Variants in L3MBTL4 observed in about 807,000 individuals in gnomAD.
L3MBTL4 encodes the protein lethal(3)malignant brain tumor-like protein 4.
Under a neutral mutation model 84.5 loss-of-function variants are expected in L3MBTL4, and 70 were observed. The observed-to-expected ratio is 0.83, with a 90% CI of 0.68 to 1.01. The LOEUF (loss-of-function observed/expected upper bound fraction) is 1.01, where lower values mean the gene tolerates loss of function less well. Among genes scored for constraint, L3MBTL4 ranks in the 50% least tolerant of loss-of-function variants. L3MBTL4 has a pLI of 0.00. For missense variants in L3MBTL4, 715 were observed against 754.8 expected, an observed-to-expected ratio of 0.95 and a Z score of 0.62; for synonymous variants, 274 against 259.8, an observed-to-expected ratio of 1.05 and a Z score of -0.52.
chr18:6,159,763 T>C (rs1346349086), intron 13 of L3MBTL4, among the ~76,000 whole-genome samples: 1 of 152,170 alleles, frequency 6.6e-6, no homozygotes, highest in Non-Finnish European at 1.5e-5. Context: ...ACACTTTATA[T>C]ATACCCTGGT....
At chr18:6,152,827 C>G (rs2042953043) in intron 13 of L3MBTL4, among the ~76,000 whole-genome samples, 1 of 152,090 alleles carries the variant, frequency 6.6e-6, no homozygotes, top group Non-Finnish European at 1.5e-5. Flanking sequence ...CTTGATAAAG[C>G]TTTTCCTTAT....
intron 16 of L3MBTL4, among the ~76,000 whole-genome samples, chr18:6,042,204 C>A (rs992642469): frequency 1.3e-5 from 2 of 152,146 alleles, no homozygotes; most frequent in Admixed American, 1.3e-4. Context: ...TCCTCCCACC[C>A]AAGGTTAATC....
At chr18:6,023,877 C>T (rs1031055733) in intron 16 of L3MBTL4, among the ~76,000 whole-genome samples, 2 of 152,152 alleles carry the variant, frequency 1.3e-5, no homozygotes, top group African/African-American at 4.8e-5. Context: ...ATTATTTGAA[C>T]CCAATGCAGT....
intron 1 of L3MBTL4, among the ~76,000 whole-genome samples, chr18:6,381,508 C>T (rs1166529051): frequency 2.0e-5 from 3 of 152,220 alleles, no homozygotes; most frequent in Non-Finnish European, 4.4e-5. Flanking sequence ...CCTTCAGGAG[C>T]TCTTGCCAGG....
At chr18:6,359,316 A>G (rs2053577647) in intron 1 of L3MBTL4, among the ~76,000 whole-genome samples, 1 of 152,052 alleles carries the variant, frequency 6.6e-6, no homozygotes, top group South Asian at 2.1e-4. Context: ...ATGGTGGCAC[A>G]TGCCTGTAAT....
intron 14 of L3MBTL4, among the ~76,000 whole-genome samples, chr18:6,114,743 G>C (rs2059305242): frequency 6.6e-6 from 1 of 152,154 alleles, no homozygotes; most frequent in Non-Finnish European, 1.5e-5. Flanking sequence ...TTTCAAAAAA[G>C]CTTACAAAAG....
chr18:6,045,190 G>A (rs1721112022), intron 16 of L3MBTL4, among the ~76,000 whole-genome samples: 1 of 152,208 alleles, frequency 6.6e-6, no homozygotes, highest in African/African-American at 2.4e-5. Flanking sequence ...AGACCGTTCA[G>A]CAGAAACCTT....
intron 1 of L3MBTL4, among the ~76,000 whole-genome samples, chr18:6,375,573 CT>C (rs1230561213): frequency 2.6e-5 from 4 of 152,152 alleles, no homozygotes; most frequent in Non-Finnish European, 5.9e-5. Context: ...ACACTCAGCA[CT>C]TTTCATCCTA....
intron 16 of L3MBTL4, among the ~76,000 whole-genome samples, chr18:6,034,050 C>G (rs536556486): frequency 1.2e-3 from 179 of 152,136 alleles, no homozygotes; most frequent in Middle Eastern, 3.4e-3. Flanking sequence ...TTTCAATGTG[C>G]AGGACTTCTT....
intron 16 of L3MBTL4, among the ~76,000 whole-genome samples, chr18:5,996,474 T>C (rs1171773877): frequency 6.6e-6 from 1 of 151,988 alleles, no homozygotes; most frequent in Admixed American, 6.6e-5. Context: ...TAAAAGGGGG[T>C]CTGGGCTAAG....
chr18:6,182,145 A>G (rs139020525), intron 12 of L3MBTL4, among the ~76,000 whole-genome samples: 53 of 152,306 alleles, frequency 3.5e-4, no homozygotes, highest in African/African-American at 1.3e-3. Context: ...TTTTCTCCAC[A>G]ATCTTGCCAG....
Position 6,301,906 on chromosome 18 carries a change from G to C in L3MBTL4, c.124C>G (p.His42Asp), listed in dbSNP as rs751176440. The change falls in exon 4 of 19, where the codon CAC becomes GAC. Residue 42 changes from histidine (H) to aspartate (D), a missense_variant. Coordinates refer to ENST00000317931, the MANE Select transcript of L3MBTL4 (RefSeq NM_001330559.2). ...TGTAAATATTGGTGATAATTACCGT[G>C]ACTCAAAGGGGTTGTGCTATCCTTG... is the stretch of plus-strand genomic sequence containing the variant. ...KPKDSTTPLS[H>D]VPSAAAQGAW... 6.2e-7 allele frequency: 1 copy of C among 1,611,222 alleles called. No homozygotes were observed. Among genetic ancestry groups the C allele is most frequent in the Admixed American group, 1.7e-5 (1 of 60,008 alleles).
rs116855316 is a variant in L3MBTL4 at position 6,038,671 on chromosome 18, C to T, written c.1444+42210G>A. ...ATAGTGCAGCAATGTGAGGAGGCATCTAAGAGAAATAAAAAACAACAACAA... is the reference window on the plus strand; with the variant it reads ...ATAGTGCAGCAATGTGAGGAGGCATTTAAGAGAAATAAAAAACAACAACAA... On this transcript the variant is annotated intron_variant, in intron 16 of 18. Coordinates refer to ENST00000317931, the MANE Select transcript of L3MBTL4 (RefSeq NM_001330559.2). 5.9e-5 allele frequency among the ~76,000 whole-genome samples: 9 copies of T among 152,196 alleles called. No individual in the cohort carries two copies. In the East Asian group the frequency reaches 1.7e-3, roughly 29 times the overall value.
At chr18:6,401,632 A>C (rs1011134880) in intron 1 of L3MBTL4, among the ~76,000 whole-genome samples, 1 of 152,240 alleles carries the variant, frequency 6.6e-6, no homozygotes, top group Non-Finnish European at 1.5e-5. Context: ...CTCACAGCAC[A>C]ACTAATTTTC....
At position 6,241,353 on chromosome 18, in the gene L3MBTL4, C is replaced by T; in HGVS notation, c.552+5G>A. 1.3e-6 allele frequency: 2 copies of T among 1,521,424 alleles called. No individual in the cohort carries two copies. Among genetic ancestry groups the T allele is most frequent in the South Asian group, 1.2e-5 (1 of 85,544 alleles). The allele number at this position is 1,521,424 out of a possible 1,614,324, so 94.2% of individuals were successfully genotyped here. On this transcript the variant is annotated splice_donor_5th_base_variant and intron_variant, in intron 8 of 18. Coordinates refer to ENST00000317931, the MANE Select transcript of L3MBTL4 (RefSeq NM_001330559.2). ...TTGATTTATGCTGGGAAAGAAAATA[C>T]TTACAGGACTTCTGTTTCTGAATAA...
At chr18:6,142,105 T>C (rs2060215194) in intron 13 of L3MBTL4, among the ~76,000 whole-genome samples, 1 of 152,242 alleles carries the variant, frequency 6.6e-6, no homozygotes, top group Non-Finnish European at 1.5e-5. Context: ...TGCTAACTTC[T>C]GAGAGGAGGT....
chr18:5,980,791 C>T (rs917417957), intron 16 of L3MBTL4, among the ~76,000 whole-genome samples: 1 of 152,128 alleles, frequency 6.6e-6, no homozygotes, highest in Non-Finnish European at 1.5e-5. Flanking sequence ...AGCTCATGGG[C>T]TATTTTCTTC....
rs770085745 is a variant in L3MBTL4, at chr18:6,237,964, C to T, written c.784G>A (p.Gly262Ser). Residue 262 changes from glycine to serine, a missense_variant and splice_region_variant, in exon 10 of 19, where the codon GGT becomes AGT. Coordinates refer to ENST00000317931, the MANE Select transcript of L3MBTL4 (RefSeq NM_001330559.2). Reference protein sequence around the residue: ...ENGRTLIAPQGYPNPENFSWT... With the variant: ...ENGRTLIAPQSYPNPENFSWT... ...AAGAAAACCCAGGCAGTCCACTCACCTTGGGGTGCTATCAGAGTTCTTCCA... is the reference window on the plus strand; with the variant it reads ...AAGAAAACCCAGGCAGTCCACTCACTTTGGGGTGCTATCAGAGTTCTTCCA... 1.2e-6 allele frequency: 2 copies of T among 1,613,784 alleles called. No individual in the cohort carries two copies. Among genetic ancestry groups the T allele is most frequent in the Non-Finnish European group, 1.7e-6 (2 of 1,179,682 alleles).
chr18:6,276,849 T>C (rs929898398), intron 4 of L3MBTL4, among the ~76,000 whole-genome samples: 8 of 151,850 alleles, frequency 5.3e-5, no homozygotes, highest in African/African-American at 1.5e-4. Context: ...TGGTGACTTA[T>C]GAGAAATAAG....
Sources: gnomAD v4.1 joint callset for allele counts (sites outside exome capture counted in the v4.1 genomes callset) on GRCh38, gnomAD v4.1.1 for gene constraint, MANE v1.5 for transcripts, NCBI Gene and HGNC (gene_info 2026-07-23, HGNC 2026-07-21) for gene names.